COL23A1: variants seen among roughly 807,000 people sequenced by gnomAD.
COL23A1 encodes the protein collagen alpha-1(XXIII) chain.
Under a neutral mutation model 99.3 loss-of-function variants are expected in COL23A1, and 97 were observed. That is an observed-to-expected ratio of 0.98 (90% CI 0.83 to 1.16). The LOEUF is 1.16. Among genes scored for constraint, COL23A1 ranks in the 50% most tolerant of loss-of-function variants. COL23A1 has a pLI of 0.00. For missense variants in COL23A1, 762 were observed against 757.4 expected (o/e 1.01, Z -0.07); for synonymous variants, 320 against 308.2 (o/e 1.04, Z -0.40).
intron 1 of COL23A1, chr5:178,562,736 T>TGGGGGGGGAGGGGGG (rs569933780): frequency 9.4e-6 from 1 of 106,826 alleles, no homozygotes; most frequent in African/African-American, 4.9e-5. Context: ...TGGCTGGTGG[T>TGGGGGGGGAGGGGGG]GGGGGGGGTG....
intron 18 of COL23A1, among the ~76,000 whole-genome samples, chr5:178,249,716 A>ACTCTCACTCTCT (rs1764923327): frequency 1.1e-5 from 1 of 92,752 alleles, no homozygotes; most frequent in East Asian, 4.2e-4. Flanking sequence ...ACACACACAC[A>ACTCTCACTCTCT]CTCTCTCTCT....
At chr5:178,246,150 G>A (rs935516786) in intron 24 of COL23A1, 104 bp downstream of exon 24, 11 of 1,291,914 alleles carry the variant, frequency 8.5e-6, no homozygotes, top group Admixed American at 2.0e-5. Flanking sequence ...CTGGCCCTGC[G>A]AAGTGCAGGG....
chr5:178,442,971 C>A (rs991509343), intron 2 of COL23A1: 2 of 152,236 alleles, frequency 1.3e-5, no homozygotes, highest in Non-Finnish European at 2.9e-5. Flanking sequence ...GCACCCCAGG[C>A]GGCCTGTTTC....
At chr5:178,267,390 T>A in intron 7 of COL23A1, 57 bp from the exon 8 acceptor site, 1 of 1,581,076 alleles carries the variant, frequency 6.3e-7, no homozygotes, top group Non-Finnish European at 8.6e-7. Context: ...TCTTCACATT[T>A]CCCGTCGGGC....
At chr5:178,407,730 A>T (rs531659099) in intron 2 of COL23A1, among the ~76,000 whole-genome samples, 43 of 152,358 alleles carry the variant, frequency 2.8e-4, no homozygotes, top group African/African-American at 1.0e-3. Context: ...TGAAGAGGAC[A>T]GTGGAATCAG....
At chr5:178,374,302 T>C (rs893809391) in intron 2 of COL23A1, among the ~76,000 whole-genome samples, 2 of 152,096 alleles carry the variant, frequency 1.3e-5, no homozygotes, top group Admixed American at 1.3e-4. Context: ...CCTCCACCTC[T>C]CTCCACTGCA....
intron 2 of COL23A1, among the ~76,000 whole-genome samples, chr5:178,426,791 G>A (rs1446040126): frequency 3.9e-5 from 6 of 152,198 alleles, no homozygotes; most frequent in African/African-American, 7.2e-5. Context: ...GAACAGCCCC[G>A]TTAAAAATGG....
chr5:178,510,099 T>C (rs1440766918), intron 2 of COL23A1, among the ~76,000 whole-genome samples: 1 of 152,266 alleles, frequency 6.6e-6, no homozygotes, highest in Non-Finnish European at 1.5e-5. Context: ...GAAAATGCTA[T>C]GATTTATGAT....
intron 12 of COL23A1, 54 bp from the exon 13 acceptor site, chr5:178,257,621 C>A: frequency 6.6e-7 from 1 of 1,525,944 alleles, no homozygotes; most frequent in Middle Eastern, 1.9e-4. Context: ...GGCCAGTGGG[C>A]CCCTCCCTCC....
At chr5:178,451,550 G>C (rs953373103) in intron 2 of COL23A1, among the ~76,000 whole-genome samples, 1 of 151,440 alleles carries the variant, frequency 6.6e-6, no homozygotes, top group Non-Finnish European at 1.5e-5. Flanking sequence ...TCAGCTACTC[G>C]GGGGCCTGAG....
At chr5:178,265,643 C>T (rs1310142934) in intron 8 of COL23A1, 1 of 984,624 alleles carries the variant, frequency 1.0e-6, no homozygotes, top group East Asian at 1.1e-4. Context: ...GACCCCCACT[C>T]AGCCAGTCTA....
chr5:178,447,322 G>T (rs1055236463), intron 2 of COL23A1, among the ~76,000 whole-genome samples: 1 of 152,044 alleles, frequency 6.6e-6, no homozygotes, highest in African/African-American at 2.4e-5. Context: ...TTGAACTCCT[G>T]ACCTCAAGTG....
At chr5:178,501,751 C>G (rs929515969) in intron 2 of COL23A1, among the ~76,000 whole-genome samples, 4 of 152,166 alleles carry the variant, frequency 2.6e-5, no homozygotes, top group African/African-American at 9.7e-5. Flanking sequence ...AAGTAGGGAG[C>G]TGGGCCTTCA....
intron 19 of COL23A1, among the ~76,000 whole-genome samples, chr5:178,248,838 G>A (rs923058943): frequency 2.6e-5 from 4 of 152,346 alleles, no homozygotes; most frequent in Middle Eastern, 3.4e-3. Context: ...GTCAGAGCAC[G>A]TGGCATAACC....
chr5:178,542,498 G>C (rs1014434626), intron 2 of COL23A1, among the ~76,000 whole-genome samples: 1 of 152,210 alleles, frequency 6.6e-6, no homozygotes, highest in African/African-American at 2.4e-5. Context: ...GCCTGCGCTG[G>C]TCACTGCAGC....
chr5:178,421,899 A>C (rs1192073606), intron 2 of COL23A1, among the ~76,000 whole-genome samples: 1 of 152,076 alleles, frequency 6.6e-6, no homozygotes, highest in African/African-American at 2.4e-5. Flanking sequence ...CGCAGGCACC[A>C]AACAGGCAAA....
chr5:178,377,693 G>A (rs1241864123), intron 2 of COL23A1, among the ~76,000 whole-genome samples: 1 of 152,142 alleles, frequency 6.6e-6, no homozygotes, highest in Non-Finnish European at 1.5e-5. Context: ...AGGTGGTGTG[G>A]ACAAGCGCGC....
intron 2 of COL23A1, among the ~76,000 whole-genome samples, chr5:178,457,870 T>C (rs1319181687): frequency 6.6e-6 from 1 of 152,238 alleles, no homozygotes; most frequent in Non-Finnish European, 1.5e-5. Flanking sequence ...AGCATGCACT[T>C]AAGATGCATT....
chr5:178,316,709 T>TA (rs1403770228), intron 2 of COL23A1, among the ~76,000 whole-genome samples: 1 of 152,214 alleles, frequency 6.6e-6, no homozygotes, highest in Non-Finnish European at 1.5e-5. Flanking sequence ...ACCACAGTGA[T>TA]ATTTAAAATG....
Sources: allele counts gnomAD v4.1 joint callset (sites outside exome capture counted in the v4.1 genomes callset), GRCh38; gene constraint gnomAD v4.1.1; transcripts MANE v1.5; gene names NCBI Gene and HGNC (gene_info 2026-07-23, HGNC 2026-07-21).